Variants in ZFYVE9 observed in about 807,000 individuals in gnomAD.
ZFYVE9 encodes the protein zinc finger FYVE domain-containing protein 9.
Under a neutral mutation model 126.7 loss-of-function variants are expected in ZFYVE9, and 43 were observed. That is an observed-to-expected ratio of 0.34 (90% CI 0.27 to 0.44). The LOEUF is 0.44. Ranked by LOEUF, ZFYVE9 falls within the 20% of genes least tolerant of loss-of-function variation. ZFYVE9 has a pLI of 1.00. For missense variants in ZFYVE9, 1,476 were observed against 1,697.0 expected (o/e 0.87, Z 2.29); for synonymous variants, 521 against 597.4 (o/e 0.87, Z 1.87).
intron 5 of ZFYVE9, chr1:52,264,154 A>G (rs1376701671): frequency 3.5e-5 from 7 of 200,882 alleles, no homozygotes; most frequent in Non-Finnish European, 7.0e-5. Context: ...TTGTGTTCCT[A>G]TAAAATAACC....
chr1:52,148,604 AGCT>A (rs113797941), intron 1 of ZFYVE9, among the ~76,000 whole-genome samples: 5,413 of 152,114 alleles, frequency 0.036, 234 homozygotes, highest in African/African-American at 0.11. Context: ...TGAGGACTTC[AGCT>A]GTATAAAAGG....
intron 1 of ZFYVE9, among the ~76,000 whole-genome samples, chr1:52,188,835 T>C (rs1201432679): frequency 6.6e-6 from 1 of 152,188 alleles, no homozygotes; most frequent in Non-Finnish European, 1.5e-5. Context: ...AAAATTCACC[T>C]GTTCAAAGTG....
intron 1 of ZFYVE9, chr1:52,160,292 C>G: frequency 2.0e-6 from 2 of 1,014,884 alleles, no homozygotes; most frequent in Admixed American, 3.4e-5. Flanking sequence ...AATGCTCTTT[C>G]CAGAATGCAT....
intron 12 of ZFYVE9, 63 bp from the exon 13 acceptor site, chr1:52,303,758 A>G (rs2147842111): frequency 6.1e-6 from 6 of 985,262 alleles, no homozygotes; most frequent in Non-Finnish European, 8.6e-6. Flanking sequence ...TAATTTTATT[A>G]CTATAAATTA....
In ZFYVE9 at chr1:52,237,472, A is replaced by C. The variant is rs758913669; in HGVS notation, c.71-16A>C. 6.4e-7 allele frequency: 1 copy of C among 1,566,362 alleles called. No individual in the cohort carries two copies. The highest frequency in any genetic ancestry group is 8.7e-7 in the Non-Finnish European group (1 of 1,149,690). ...TGTTACAAGCAAACTTATTGTAATTACTTATTTTTTTCCAGATGAAACAGT... is the reference window on the plus strand; with the variant it reads ...TGTTACAAGCAAACTTATTGTAATTCCTTATTTTTTTCCAGATGAAACAGT... On this transcript the variant is annotated splice_polypyrimidine_tract_variant and intron_variant, in intron 3 of 18. Coordinates refer to ENST00000287727, the MANE Select transcript of ZFYVE9 (RefSeq NM_004799.4).
intron 1 of ZFYVE9, among the ~76,000 whole-genome samples, chr1:52,213,463 C>A (rs1435446971): frequency 6.6e-6 from 1 of 151,822 alleles, no homozygotes; most frequent in Non-Finnish European, 1.5e-5. Context: ...CCAGCCTGGG[C>A]AACATAGTGA....
chr1:52,175,759 C>T (rs1644620496), intron 1 of ZFYVE9, among the ~76,000 whole-genome samples: 1 of 152,194 alleles, frequency 6.6e-6, no homozygotes, highest in Non-Finnish European at 1.5e-5. Flanking sequence ...TTCATTTCAT[C>T]TTCCATCACT....
intron 1 of ZFYVE9, chr1:52,160,274 A>G (rs1644444316): frequency 3.3e-6 from 3 of 908,362 alleles, no homozygotes; most frequent in South Asian, 1.3e-5. Flanking sequence ...AATCTTTACA[A>G]CAGTTCGAAT....
chr1:52,216,469 A>G lies in ZFYVE9; in HGVS notation c.-42A>G, dbSNP rs1270723350. 5.0e-6 allele frequency: 2 copies of G among 398,422 alleles called. No homozygotes were observed. The highest frequency in any genetic ancestry group is 8.9e-6 in the Non-Finnish European group (2 of 225,916). The allele number at this position is 398,422 out of a possible 1,614,324, so 24.7% of individuals were successfully genotyped here. ...TGTTCCTTATCACGTGTGTAAGGGGAAAAAGGTAAGAAAATGTTTTTATTT... is the reference window on the plus strand; with the variant it reads ...TGTTCCTTATCACGTGTGTAAGGGGGAAAAGGTAAGAAAATGTTTTTATTT... On this transcript the variant is annotated 5_prime_UTR_variant, in exon 2 of 19. Coordinates refer to ENST00000287727, the MANE Select transcript of ZFYVE9 (RefSeq NM_004799.4).
chr1:52,191,064 C>T (rs976939075), intron 1 of ZFYVE9, among the ~76,000 whole-genome samples: 1 of 151,982 alleles, frequency 6.6e-6, no homozygotes, highest in African/African-American at 2.4e-5. Flanking sequence ...CTAACGCCTC[C>T]AGTGGGTGGG....
At chr1:52,306,264 C>A (rs1182780665) in intron 13 of ZFYVE9, among the ~76,000 whole-genome samples, 8 of 152,144 alleles carry the variant, frequency 5.3e-5, no homozygotes, top group Admixed American at 5.2e-4. Context: ...ATCGGGATGA[C>A]CAGCTGCAGA....
At chr1:52,202,182 A>C (rs188140580) in intron 1 of ZFYVE9, among the ~76,000 whole-genome samples, 1 of 152,068 alleles carries the variant, frequency 6.6e-6, no homozygotes, top group African/African-American at 2.4e-5. Context: ...CTTCCTGCTT[A>C]TATGGTTTCT....
chr1:52,331,890 T>C (rs1646345840), intron 13 of ZFYVE9, among the ~76,000 whole-genome samples: 1 of 150,796 alleles, frequency 6.6e-6, no homozygotes, highest in East Asian at 2.0e-4. Flanking sequence ...GCCATTCGCC[T>C]GCCTCAGCCT....
chr1:52,278,624 A>G lies in ZFYVE9; in HGVS notation c.2869+10A>G. 3.3e-6 allele frequency: 5 copies of G among 1,494,180 alleles called. No individual in the cohort carries two copies. The highest frequency in any genetic ancestry group is 4.5e-6 in the Non-Finnish European group (5 of 1,099,288). 92.6% of individuals were successfully genotyped at this position (1,494,180 alleles called of 1,614,324 possible). On this transcript the variant is annotated intron_variant, in intron 9 of 18. Transcript: ENST00000287727. ...GTTAAAATTGTAAATTGTAAGTTAT[A>G]AATTTTTAAAAATTAAAATCAGATG...
chr1:52,256,517 A>G (rs1429935287), intron 4 of ZFYVE9, among the ~76,000 whole-genome samples: 1 of 152,148 alleles, frequency 6.6e-6, no homozygotes, highest in Non-Finnish European at 1.5e-5. Flanking sequence ...AGCTGGGATT[A>G]CAGGCATGTG....
At chr1:52,270,409 G>A (rs540861989) in intron 7 of ZFYVE9, among the ~76,000 whole-genome samples, 99 of 152,054 alleles carry the variant, frequency 6.5e-4, no homozygotes, top group African/African-American at 2.3e-3. Flanking sequence ...GACAACAGGC[G>A]CCCGCCACCA....
chr1:52,179,932 C>G (rs1275412227), intron 1 of ZFYVE9: 3 of 1,053,792 alleles, frequency 2.8e-6, no homozygotes, highest in Non-Finnish European at 4.4e-6. Context: ...GAAGAGGAGG[C>G]AGAAGATGAG....
At chr1:52,201,438 G>C (rs767606801) in intron 1 of ZFYVE9, among the ~76,000 whole-genome samples, 2 of 142,428 alleles carry the variant, frequency 1.4e-5, no homozygotes, top group African/African-American at 2.6e-5. Context: ...GTGCAGTGGC[G>C]CAATCTCGGC....
chr1:52,159,043 C>T (rs141135765), intron 1 of ZFYVE9, among the ~76,000 whole-genome samples: 4,164 of 152,246 alleles, frequency 0.027, 89 homozygotes, highest in Non-Finnish European at 0.044. Flanking sequence ...CCGCCCGCCT[C>T]GGCCTCCCAA....
Sources: allele counts gnomAD v4.1 joint callset (sites outside exome capture counted in the v4.1 genomes callset), GRCh38; gene constraint gnomAD v4.1.1; transcripts MANE v1.5; gene names NCBI Gene and HGNC (gene_info 2026-07-23, HGNC 2026-07-21).